TGFBR1: variants seen among roughly 807,000 people sequenced by gnomAD.
TGFBR1 encodes the protein transforming growth factor beta receptor 1, also known as TGF-beta receptor type-1.
Under a neutral mutation model 55.1 loss-of-function variants are expected in TGFBR1, and 20 were observed. The observed-to-expected ratio is 0.36, with a 90% CI of 0.26 to 0.53. The LOEUF (loss-of-function observed/expected upper bound fraction) is 0.53. TGFBR1 is among the 20% of genes least tolerant of loss of function. TGFBR1 has a pLI of 0.91. For missense variants in TGFBR1, 385 were observed against 617.6 expected (o/e 0.62, Z 3.99); for synonymous variants, 220 against 214.8 (o/e 1.02, Z -0.21).
intron 1 of TGFBR1, among the ~76,000 whole-genome samples, chr9:99,123,353 AG>A (rs1376568221): frequency 1.1e-4 from 17 of 152,236 alleles, no homozygotes; most frequent in Admixed American, 1.0e-3. Context: ...CCACTGTTAA[AG>A]ACTGGGGCAT....
chr9:99,147,919 A>G, intron 8 of TGFBR1, 135 bp downstream of exon 8: 1 of 1,075,666 alleles, frequency 9.3e-7, no homozygotes, highest in South Asian at 1.4e-5. Flanking sequence ...AATGTTTAAA[A>G]ACAGAATAAT....
intron 1 of TGFBR1, among the ~76,000 whole-genome samples, chr9:99,106,680 GT>G (rs1183264625): frequency 3.3e-5 from 5 of 152,140 alleles, no homozygotes; most frequent in Admixed American, 2.0e-4. Context: ...TCAGATCTCA[GT>G]TTCCCAAACC....
chr9:99,106,244 T>G (rs577655724), intron 1 of TGFBR1, among the ~76,000 whole-genome samples: 16 of 152,352 alleles, frequency 1.1e-4, no homozygotes, highest in African/African-American at 3.8e-4. Context: ...CAAGGAAGAC[T>G]GTTGGCTGGA....
chr9:99,106,179 C>G (rs545148753), intron 1 of TGFBR1, among the ~76,000 whole-genome samples: 1 of 152,308 alleles, frequency 6.6e-6, no homozygotes, highest in South Asian at 2.1e-4. Flanking sequence ...TCACGTTGTT[C>G]CTTTTCTTGA....
At chr9:99,138,187 A>G in intron 4 of TGFBR1, 98 bp downstream of exon 4, 1 of 1,047,232 alleles carries the variant, frequency 9.5e-7, no homozygotes, top group East Asian at 2.5e-5. Context: ...GATGAGACAT[A>G]GATGTCTCTC....
chr9:99,115,360 T>C (rs1425827053), intron 1 of TGFBR1, among the ~76,000 whole-genome samples: 1 of 152,182 alleles, frequency 6.6e-6, no homozygotes, highest in Non-Finnish European at 1.5e-5. Flanking sequence ...TATTTATAGT[T>C]CTAGGACACC....
chr9:99,116,881 A>G (rs777384041), intron 1 of TGFBR1, among the ~76,000 whole-genome samples: 59 of 152,234 alleles, frequency 3.9e-4, no homozygotes, highest in Non-Finnish European at 6.9e-4. Flanking sequence ...AGTTCAGTCA[A>G]CACTAGATGC....
At position 99,151,064 on chromosome 9, in the gene TGFBR1, C is replaced by A. The variant is rs183812806; in HGVS notation, c.*1759C>A. The A allele has an allele frequency of 1.4e-4, 33 of 228,306 alleles. No homozygotes were observed. The highest frequency in any genetic ancestry group is 2.3e-4 in the Admixed American group (4 of 17,628). 14.1% of individuals were successfully genotyped at this position (228,306 alleles called of 1,614,324 possible). On this transcript the variant is annotated 3_prime_UTR_variant, in exon 9 of 9. Coordinates refer to ENST00000374994, the MANE Select transcript of TGFBR1 (RefSeq NM_004612.4). ...CAGGAAGAGAAAGTGGCCATTTACA[C>A]TGAATGAGTTGCATTCTGATAATGT... is the stretch of plus-strand genomic sequence containing the variant.
rs1554702207 is a variant in TGFBR1, at chr9:99,146,489, A to G, written c.1135A>G (p.Met379Val). 1 of 1,613,904 alleles carries G rather than the reference A, an allele frequency of 6.2e-7. No homozygotes were observed. The highest frequency in any genetic ancestry group is 8.5e-7 in the Non-Finnish European group (1 of 1,179,840). The change falls in exon 7 of 9, where the codon ATG becomes GTG. Residue 379 changes from methionine to valine, a missense_variant. Transcript: ENST00000374994. The stretch of plus-strand genomic sequence containing the variant: ...CTTTTTGCAAATTTTTTTTAGGTAC[A>G]TGGCCCCTGAAGTTCTCGATGATTC... ...PNHRVGTKRY[M>V]APEVLDDSIN...
chr9:99,141,843 AT>A (rs1050270959), intron 4 of TGFBR1, among the ~76,000 whole-genome samples: 3 of 152,190 alleles, frequency 2.0e-5, no homozygotes, highest in African/African-American at 7.2e-5. Context: ...TACAGAGGAA[AT>A]TTTGGAACCC....
chr9:99,145,142 G>A lies in TGFBR1; in HGVS notation c.1130+254G>A, dbSNP rs10733710. Among the ~76,000 whole-genome samples the A allele has an allele frequency of 0.21, 31,912 of 152,104 alleles. 3,540 individuals carry two copies. Among genetic ancestry groups the A allele is most frequent in the South Asian group, 0.38 (1,821 of 4,822 alleles). ...AATTATAATAACAGTAGTAACTAACGTTTATAGGGCACCTACTATGTGCCA... is the reference window on the plus strand; with the variant it reads ...AATTATAATAACAGTAGTAACTAACATTTATAGGGCACCTACTATGTGCCA... On this transcript the variant is annotated intron_variant, in intron 6 of 8. Transcript: ENST00000374994.
chr9:99,147,517 A>C, intron 7 of TGFBR1, 137 bp from the exon 8 acceptor site: 1 of 803,404 alleles, frequency 1.2e-6, no homozygotes, highest in Non-Finnish European at 2.0e-6. Flanking sequence ...TGGATGAGAT[A>C]GAGAAAGCTG....
At chr9:99,143,373 C>G (rs553599441) in intron 5 of TGFBR1, among the ~76,000 whole-genome samples, 115 of 152,334 alleles carry the variant, frequency 7.5e-4, no homozygotes, top group African/African-American at 2.7e-3. Flanking sequence ...TAACTGTTAT[C>G]TGGCCATCTA....
At chr9:99,123,609 T>G (rs1365605758) in intron 1 of TGFBR1, among the ~76,000 whole-genome samples, 1 of 152,210 alleles carries the variant, frequency 6.6e-6, no homozygotes, top group Non-Finnish European at 1.5e-5. Flanking sequence ...GGGTAGAATA[T>G]TTGTATAAAT....
chr9:99,153,582 G>A lies in TGFBR1; in HGVS notation c.*4277G>A. 1 of 194,034 alleles carries A rather than the reference G, an allele frequency of 5.2e-6. No homozygotes were observed. Among genetic ancestry groups the A allele is most frequent in the Non-Finnish European group, 1.1e-5 (1 of 92,560 alleles). The allele number at this position is 194,034 out of a possible 1,614,324, so 12.0% of individuals were successfully genotyped here. A position where few individuals can be genotyped will look rare whatever the true frequency, so the allele number is the denominator to read the frequency against. On this transcript the variant is annotated 3_prime_UTR_variant, in exon 9 of 9. Coordinates refer to ENST00000374994, the MANE Select transcript of TGFBR1 (RefSeq NM_004612.4). ...TGTAAATAGGAAATAGAAGAGTGAT[G>A]CTTATGTTAAGTCCTAACACTACAG... is the stretch of plus-strand genomic sequence containing the variant.
In TGFBR1 at chr9:99,146,577, T is replaced by A; in HGVS notation, c.1223T>A (p.Phe408Tyr). 6.2e-7 allele frequency: 1 copy of A among 1,614,046 alleles called. No individual in the cohort carries two copies. The change falls in exon 7 of 9, where the codon TTC becomes TAC. Residue 408 changes from phenylalanine (F) to tyrosine (Y), a missense_variant. This residue lies in a region of TGFBR1 where 110 missense variants were observed against 154.6 expected (regional missense o/e 0.71). Coordinates refer to ENST00000374994, the MANE Select transcript of TGFBR1 (RefSeq NM_004612.4). The part of the protein sequence containing the change: ...RADIYAMGLV[F>Y]WEIARRCSIG... Reference sequence around the variant, plus strand: ...GACATCTATGCAATGGGCTTAGTATTCTGGGAAATTGCTCGACGATGTTCC... The same window carrying A: ...GACATCTATGCAATGGGCTTAGTATACTGGGAAATTGCTCGACGATGTTCC...
chr9:99,126,014 T>C (rs1827030477), intron 1 of TGFBR1, among the ~76,000 whole-genome samples: 1 of 152,178 alleles, frequency 6.6e-6, no homozygotes, highest in African/African-American at 2.4e-5. Context: ...AAGAGCACTA[T>C]GGAACATATT....
intron 2 of TGFBR1, among the ~76,000 whole-genome samples, chr9:99,131,129 T>C (rs1021495898): frequency 1.3e-5 from 2 of 151,342 alleles, no homozygotes; most frequent in Non-Finnish European, 2.9e-5. Flanking sequence ...TCCAAACACA[T>C]ATAATAAAAA....
intron 1 of TGFBR1, among the ~76,000 whole-genome samples, chr9:99,118,252 T>C (rs1762018141): frequency 1.3e-5 from 2 of 152,244 alleles, no homozygotes; most frequent in Admixed American, 1.3e-4. Flanking sequence ...GGATTTTCCA[T>C]GTACATAGTT....
Sources: allele counts gnomAD v4.1 joint callset (sites outside exome capture counted in the v4.1 genomes callset), GRCh38; gene constraint gnomAD v4.1.1; regional missense constraint gnomAD v4.1.1; transcripts MANE v1.5; gene names NCBI Gene and HGNC (gene_info 2026-07-23, HGNC 2026-07-21).